Variants in DIP2C observed in about 807,000 individuals in gnomAD.
DIP2C encodes DIP2 acetate--CoA ligase C (putative), also known as disco-interacting protein 2 homolog C.
DIP2C carries 33 observed loss-of-function variants against 192.4 expected under a neutral mutation model. The ratio of observed to expected loss-of-function variants is 0.17; its 90% CI spans 0.13 to 0.23. The LOEUF is 0.23. Ranked by LOEUF, DIP2C falls within the 10% of genes least tolerant of loss-of-function variation. DIP2C has a pLI of 1.00. For synonymous variants in DIP2C, 979 were observed against 864.1 expected (o/e 1.13, Z -2.33); for missense variants, 1,537 against 2,110.1 (o/e 0.73, Z 5.32).
intron 1 of DIP2C, among the ~76,000 whole-genome samples, chr10:645,839 C>G (rs575734349): frequency 3.3e-5 from 5 of 152,306 alleles, no homozygotes; most frequent in East Asian, 1.9e-4. Context: ...AGAGCAAACA[C>G]AATAGTTCAG....
intron 17 of DIP2C, among the ~76,000 whole-genome samples, chr10:382,143 A>T (rs1350073379): frequency 1.3e-5 from 2 of 152,214 alleles, no homozygotes; most frequent in African/African-American, 2.4e-5. Flanking sequence ...GTGCACTCTG[A>T]ATTTACCTAC....
intron 9 of DIP2C, among the ~76,000 whole-genome samples, chr10:405,796 G>A (rs1337314758): frequency 6.6e-6 from 1 of 152,116 alleles, no homozygotes; most frequent in Non-Finnish European, 1.5e-5. Flanking sequence ...AGGCCTTTCC[G>A]GCTGAAGGAT....
At chr10:478,690 C>G (rs568495357) in intron 2 of DIP2C, among the ~76,000 whole-genome samples, 1 of 151,812 alleles carries the variant, frequency 6.6e-6, no homozygotes, top group Non-Finnish European at 1.5e-5. Flanking sequence ...AAGTTCCCGT[C>G]TTATTCTCAC....
Position 652,398 on chromosome 10 carries a change from C to A in DIP2C, c.85+37096G>T, listed in dbSNP as rs1855988732. Reference sequence around the variant, plus strand: ...CGGGGTGGGGTGGCGGGGGGGCGCACTGTGCACCCTCCCAGCTCTCCTCCA... The same window carrying A: ...CGGGGTGGGGTGGCGGGGGGGCGCAATGTGCACCCTCCCAGCTCTCCTCCA... On this transcript the variant is annotated intron_variant, in intron 1 of 36. Coordinates refer to ENST00000280886, the MANE Select transcript of DIP2C (RefSeq NM_014974.3). This position sits in a 1 kb window ranked among gnomAD's most constrained non-coding sequence, Gnocchi z 4.5. The A allele has an allele frequency of 5.9e-6, 1 of 169,820 alleles. No homozygotes were observed. Among genetic ancestry groups the A allele is most frequent in the Non-Finnish European group, 1.3e-5 (1 of 77,526 alleles). 10.5% of individuals were successfully genotyped at this position (169,820 alleles called of 1,614,324 possible).
At chr10:341,856 A>G (rs1395356263) in intron 28 of DIP2C, among the ~76,000 whole-genome samples, 1 of 152,172 alleles carries the variant, frequency 6.6e-6, no homozygotes, top group Non-Finnish European at 1.5e-5. Context: ...CAGCCTGGAC[A>G]ACGGAGTGAG....
intron 4 of DIP2C, among the ~76,000 whole-genome samples, chr10:427,341 G>A (rs992588825): frequency 1.2e-4 from 18 of 152,118 alleles, no homozygotes; most frequent in Non-Finnish European, 1.8e-4. Flanking sequence ...CCAGGATAGT[G>A]GTCCCATATC....
At chr10:314,161 T>C (rs1248945614) in intron 31 of DIP2C, among the ~76,000 whole-genome samples, 2 of 152,242 alleles carry the variant, frequency 1.3e-5, no homozygotes, top group African/African-American at 4.8e-5. Flanking sequence ...GAAGAATTTT[T>C]ATATTTGCAT....
At chr10:572,025 T>G (rs2131531337) in intron 1 of DIP2C, among the ~76,000 whole-genome samples, 1 of 152,318 alleles carries the variant, frequency 6.6e-6, no homozygotes, top group African/African-American at 2.4e-5. Context: ...TAATAAAAAA[T>G]CACTGAATTC....
At chr10:308,481 C>G (rs1279928847) in intron 32 of DIP2C, among the ~76,000 whole-genome samples, 2 of 149,594 alleles carry the variant, frequency 1.3e-5, no homozygotes, top group Admixed American at 1.3e-4. Flanking sequence ...CTCACTCCTT[C>G]AGGAAGTTAT....
At chr10:323,391 TGCGGG>T (rs1957106795) in intron 31 of DIP2C, among the ~76,000 whole-genome samples, 1 of 102,702 alleles carries the variant, frequency 9.7e-6, no homozygotes, top group African/African-American at 4.2e-5. Flanking sequence ...CAGTCGGGGG[TGCGGG>T]GCTCCGGCGA....
At chr10:367,333 C>T (rs577186152) in intron 18 of DIP2C, among the ~76,000 whole-genome samples, 3 of 151,202 alleles carry the variant, frequency 2.0e-5, no homozygotes, top group East Asian at 1.9e-4. Flanking sequence ...AGGAGAATGG[C>T]GTGAACCCGG....
intron 3 of DIP2C, among the ~76,000 whole-genome samples, chr10:447,808 C>A (rs1968403842): frequency 1.7e-5 from 2 of 119,152 alleles, no homozygotes; most frequent in South Asian, 5.1e-4. Flanking sequence ...GGCAGCAGGA[C>A]CCGCTCACTC....
rs560605737 is a variant in DIP2C at position 496,577 on chromosome 10, CCCT to C, written c.86-10050_86-10048del. 1.7e-3 allele frequency among the ~76,000 whole-genome samples: 256 copies of C among 151,384 alleles called. 1 individual carries two copies. Among genetic ancestry groups the C allele is most frequent in the African/African-American group, 5.7e-3 (233 of 41,200 alleles). On this transcript the variant is annotated intron_variant, in intron 1 of 36. Transcript: ENST00000280886. ...TGCTGAGTACACACAACACATGGTG[CCCT>C]CCTGTGTACTTAAAATCTGTACATT...
intron 1 of DIP2C, among the ~76,000 whole-genome samples, chr10:597,958 T>C (rs925871990): frequency 1.3e-5 from 2 of 152,178 alleles, no homozygotes; most frequent in Admixed American, 1.3e-4. Context: ...CTCTTCCCTC[T>C]ACCCCACGGT....
chr10:398,917 G>A (rs1964196383), intron 10 of DIP2C, among the ~76,000 whole-genome samples, 192 bp downstream of exon 10: 1 of 152,188 alleles, frequency 6.6e-6, no homozygotes. Context: ...TGACCCCAAA[G>A]CAAGCTGTGC....
At chr10:530,672 A>AAG (rs1168067328) in intron 1 of DIP2C, among the ~76,000 whole-genome samples, 1 of 151,188 alleles carries the variant, frequency 6.6e-6, no homozygotes, top group East Asian at 1.9e-4. Context: ...AAAAAAAAAA[A>AAG]AAGACTGTTA....
chr10:433,307 G>C (rs541960413), intron 4 of DIP2C, among the ~76,000 whole-genome samples: 1 of 152,268 alleles, frequency 6.6e-6, no homozygotes, highest in Admixed American at 6.5e-5. Flanking sequence ...TATCTTCTTG[G>C]AGAAAATAAT....
chr10:396,131 A>G (rs1156852983), intron 10 of DIP2C, among the ~76,000 whole-genome samples: 2 of 152,230 alleles, frequency 1.3e-5, no homozygotes, highest in African/African-American at 2.4e-5. Flanking sequence ...GGCCTTGGAA[A>G]GATTTCTGAT....
At chr10:531,504 G>T (rs7912391) in intron 1 of DIP2C, among the ~76,000 whole-genome samples, 1 of 151,966 alleles carries the variant, frequency 6.6e-6, no homozygotes, top group Non-Finnish European at 1.5e-5. Context: ...AAGAATCGAG[G>T]TATCATACGT....
Sources: allele counts gnomAD v4.1 joint callset (sites outside exome capture counted in the v4.1 genomes callset), GRCh38; gene constraint gnomAD v4.1.1; non-coding constraint Gnocchi (gnomAD v3.1); transcripts MANE v1.5; gene names NCBI Gene and HGNC (gene_info 2026-07-23, HGNC 2026-07-21).